SLC38A10: variants seen among roughly 807,000 people sequenced by gnomAD.
The protein encoded by SLC38A10 is Sodium-coupled neutral amino acid transporter 10.
SLC38A10 carries 53 observed loss-of-function variants against 81.0 expected under a neutral mutation model. The observed-to-expected ratio is 0.65, with a 90% CI of 0.53 to 0.82. SLC38A10 has a LOEUF of 0.82. SLC38A10 is among the 40% of genes least tolerant of loss of function. SLC38A10 has a pLI of 0.00. For synonymous variants in SLC38A10, 665 were observed against 655.3 expected, an observed-to-expected ratio of 1.01 and a Z score of -0.23; for missense variants, 1,471 against 1,545.0, an observed-to-expected ratio of 0.95 and a Z score of 0.80.
intron 12 of SLC38A10, 138 bp from the exon 13 acceptor site, chr17:81,252,821 C>G: frequency 2.2e-6 from 3 of 1,355,324 alleles, no homozygotes; most frequent in Non-Finnish European, 2.9e-6. Context: ...CCCCTGCCGG[C>G]CTCCCTGCTG....
At chr17:81,259,751 T>C (rs1250990479) in intron 11 of SLC38A10, among the ~76,000 whole-genome samples, 2 of 152,210 alleles carry the variant, frequency 1.3e-5, no homozygotes, top group Non-Finnish European at 2.9e-5. Flanking sequence ...GGGCCCCTCC[T>C]GAAGCGGCCT....
chr17:81,250,530 G>A (rs968443700), intron 14 of SLC38A10, among the ~76,000 whole-genome samples: 1 of 152,196 alleles, frequency 6.6e-6, no homozygotes, highest in Non-Finnish European at 1.5e-5. Flanking sequence ...CTGCTCCCAG[G>A]GGCTTGGCAC....
intron 10 of SLC38A10, among the ~76,000 whole-genome samples, chr17:81,261,977 C>T (rs1395495455): frequency 6.6e-6 from 1 of 152,222 alleles, no homozygotes; most frequent in East Asian, 1.9e-4. Context: ...TTGTAGATGC[C>T]CCTTCAGCCA....
chr17:81,246,737 TCAGAAGAA>T lies in SLC38A10; in HGVS notation c.2243-72_2243-65del. 4.0e-6 allele frequency: 6 copies of T among 1,499,178 alleles called. No homozygotes were observed. The South Asian group carries it at 8.3e-5, about 21-fold the overall frequency. The allele number at this position is 1,499,178 out of a possible 1,614,324, so 92.9% of individuals were successfully genotyped here. On this transcript the variant is annotated intron_variant, in intron 15 of 15. Coordinates refer to ENST00000374759, the MANE Select transcript of SLC38A10 (RefSeq NM_001037984.3). ...GTACACAGGCTGCCAGTGGAGGGGC[TCAGAAGAA>T]CCAGCAACAACAGCATTGGGAACCA...
chr17:81,271,748 ATTTTTTTTTT>A (rs756214430), intron 9 of SLC38A10, among the ~76,000 whole-genome samples: 1 of 121,150 alleles, frequency 8.3e-6, no homozygotes, highest in East Asian at 2.4e-4. Flanking sequence ...AAGCTGACAG[ATTTTTTTTTT>A]TTTTTTTTTT....
chr17:81,270,588 G>A lies in SLC38A10; in HGVS notation c.1131+330C>T, dbSNP rs2063106280. 1.3e-5 allele frequency among the ~76,000 whole-genome samples: 2 copies of A among 152,268 alleles called. No homozygotes were observed. Among genetic ancestry groups the A allele is most frequent in the South Asian group, 4.1e-4 (2 of 4,824 alleles). On this transcript the variant is annotated intron_variant, in intron 10 of 15. Coordinates refer to ENST00000374759, the MANE Select transcript of SLC38A10 (RefSeq NM_001037984.3). This position sits in a 1 kb window ranked among gnomAD's most constrained non-coding sequence, Gnocchi z 4.0. The stretch of plus-strand genomic sequence containing the variant: ...GGTGGCCTCAGGGGTGGGCGGCTGG[G>A]GAGGGGACTCAGAGGTGGCAGCAGG...
Position 81,246,098 on chromosome 17 carries a change from C to T in SLC38A10, c.2818G>A (p.Asp940Asn). The T allele has an allele frequency of 6.2e-7, 1 of 1,608,484 alleles. No homozygotes were observed. Among genetic ancestry groups the T allele is most frequent in the Non-Finnish European group, 8.5e-7 (1 of 1,179,486 alleles). ...QVSRDLGLAA[D>N]LPGGAEGAAA... ...GCTCCTTCCGCCCCACCGGGCAGGT[C>T]CGCTGCAAGGCCCAGGTCTCGGCTC... Residue 940 changes from aspartate (D) to asparagine (N), a missense_variant, in exon 16 of 16, where the codon GAC becomes AAC. Coordinates refer to ENST00000374759, the MANE Select transcript of SLC38A10 (RefSeq NM_001037984.3).
chr17:81,277,046 G>T lies in SLC38A10; in HGVS notation c.714C>A (p.Thr238=). ...SIFASSLNVV[T]TFYVMVGFFG... ...AGGCTCTTACCATGACGTAGAAGGT[G>T]GTGACCACATTAAGGGAGGAAGCAA... The change falls in exon 7 of 16, where the codon ACC becomes ACA. Residue 238 remains threonine, a synonymous_variant. Transcript: ENST00000374759. The surrounding 1 kb of genome is among the most constrained non-coding windows in gnomAD (Gnocchi z 4.5). 1 of 1,613,956 alleles carries T rather than the reference G, an allele frequency of 6.2e-7. No homozygotes were observed. Among genetic ancestry groups the T allele is most frequent in the Non-Finnish European group, 8.5e-7 (1 of 1,179,886 alleles).
intron 11 of SLC38A10, among the ~76,000 whole-genome samples, chr17:81,258,816 C>G (rs979689890): frequency 2.6e-5 from 4 of 152,190 alleles, no homozygotes; most frequent in Admixed American, 2.6e-4. Flanking sequence ...TCCGAATTAC[C>G]AAATCCAACG....
intron 10 of SLC38A10, among the ~76,000 whole-genome samples, chr17:81,268,707 TTTGA>T (rs1485995901): frequency 7.2e-5 from 11 of 152,174 alleles, no homozygotes; most frequent in Admixed American, 4.6e-4. Context: ...ATTTAAAATG[TTTGA>T]TTGATCCAAA....
In SLC38A10 at chr17:81,270,069, T is replaced by A. The variant is rs1225050817; in HGVS notation, c.1131+849A>T. Among the ~76,000 whole-genome samples, 1 of 152,142 alleles carries A rather than the reference T, an allele frequency of 6.6e-6. No homozygotes were observed. Among genetic ancestry groups the A allele is most frequent in the East Asian group, 1.9e-4 (1 of 5,190 alleles). On this transcript the variant is annotated intron_variant, in intron 10 of 15. Transcript: ENST00000374759. The surrounding 1 kb of genome is among the most constrained non-coding windows in gnomAD (Gnocchi z 4.0). ...CAGTTCACAGAAAAAGAAACGCAAG[T>A]GGCTTCTAAACCCATGAAAAGACAC...
chr17:81,252,058 G>A (rs1002438796), intron 13 of SLC38A10, 137 bp downstream of exon 13: 19 of 1,277,640 alleles, frequency 1.5e-5, no homozygotes, highest in South Asian at 3.2e-5. Flanking sequence ...GCCGGGGCCC[G>A]CTCCATTTGC....
intron 13 of SLC38A10, chr17:81,251,880 G>T: frequency 1.9e-6 from 1 of 514,688 alleles, no homozygotes; most frequent in Non-Finnish European, 3.2e-6. Flanking sequence ...GCTCTTAGAC[G>T]GGCACTTAAC....
rs2062936990 is a variant in SLC38A10, at chr17:81,253,247, G to A, written c.1289-7C>T. On this transcript the variant is annotated splice_region_variant and splice_polypyrimidine_tract_variant and intron_variant, in intron 11 of 15. Coordinates refer to ENST00000374759, the MANE Select transcript of SLC38A10 (RefSeq NM_001037984.3). The surrounding 1 kb of genome is among the most constrained non-coding windows in gnomAD (Gnocchi z 4.1). ...GCCACAACCGGATCCTGGGCTGGGA[G>A]CAGGGCACAGTTAGGGAACTGCACT... is the stretch of plus-strand genomic sequence containing the variant. The A allele has an allele frequency of 1.2e-6, 2 of 1,613,342 alleles. No individual in the cohort carries two copies. The highest frequency in any genetic ancestry group is 1.7e-6 in the Non-Finnish European group (2 of 1,179,906).
At position 81,245,572 on chromosome 17, in the gene SLC38A10, G is replaced by T. The variant is rs2062839773; in HGVS notation, c.3344C>A (p.Pro1115His). 9.9e-6 allele frequency: 16 copies of T among 1,608,236 alleles called. No individual in the cohort carries two copies. The East Asian group carries it at 3.6e-4, about 36-fold the overall frequency. Reference sequence around the variant, plus strand: ...CAGCAGGTGCTAGGACTCCTCTGGAGGCCCAGGCGCCTGTCTAAGCTGCCG... The same window carrying T: ...CAGCAGGTGCTAGGACTCCTCTGGATGCCCAGGCGCCTGTCTAAGCTGCCG... The part of the protein sequence containing the change: ...HSRQLRQAPG[P>H]PEES The change falls in exon 16 of 16, where the codon CCT (proline) becomes CAT (histidine). Residue 1115 changes from proline (P) to histidine (H), a missense_variant. Pro to His is a moderately conservative substitution (Grantham distance 77). This residue lies in a region of SLC38A10 where 751 missense variants were observed against 717.4 expected (regional missense o/e 1.05). Coordinates refer to ENST00000374759, the MANE Select transcript of SLC38A10 (RefSeq NM_001037984.3).
In SLC38A10 at chr17:81,265,256, C is replaced by T. The variant is rs1326970875; in HGVS notation, c.1132-4862G>A. ...AAAATTAGCCAGGTGTGGTGGCGCA[C>T]GCCTGTAATCCCAGCTACTCGGGAG... On this transcript the variant is annotated intron_variant, in intron 10 of 15. Transcript: ENST00000374759. This position sits in a 1 kb window ranked among gnomAD's most constrained non-coding sequence, Gnocchi z 4.2. The T allele has an allele frequency of 9.9e-5, 15 of 152,228 alleles. No individual in the cohort carries two copies. The highest frequency in any genetic ancestry group is 2.4e-4 in the African/African-American group (10 of 41,400). 9.4% of individuals were successfully genotyped at this position (152,228 alleles called of 1,614,324 possible). A position where few individuals can be genotyped will look rare whatever the true frequency, so the allele number is the denominator to read the frequency against.
Position 81,245,635 on chromosome 17 carries a change from C to G in SLC38A10, c.3281G>C (p.Arg1094Pro). Residue 1094 changes from arginine to proline, a missense_variant, in exon 16 of 16, where the codon CGC (arginine) becomes CCC (proline). Coordinates refer to ENST00000374759, the MANE Select transcript of SLC38A10 (RefSeq NM_001037984.3). Reference sequence around the variant, plus strand: ...CTGCAGAGCTCCCCCCGCAGCCTGGCGGAGCTGGGCATCCAGGGCGCCACG... The same window carrying G: ...CTGCAGAGCTCCCCCCGCAGCCTGGGGGAGCTGGGCATCCAGGGCGCCACG... ...DLRGALDAQL[R>P]QAAGGALQVV... 2 of 1,612,220 alleles carry G rather than the reference C, an allele frequency of 1.2e-6. No individual in the cohort carries two copies. The highest frequency in any genetic ancestry group is 1.7e-6 in the Non-Finnish European group (2 of 1,179,736).
Position 81,283,770 on chromosome 17 carries a change from C to T in SLC38A10, c.264-268G>A, listed in dbSNP as rs1188934046. On this transcript the variant is annotated intron_variant, in intron 3 of 15. Transcript: ENST00000374759. The surrounding 1 kb of genome is among the most constrained non-coding windows in gnomAD (Gnocchi z 4.7). ...CTGGGAGTAGCCGAGTAGCCACGCC[C>T]GGCTAATTGTTTGTATTTTTAGTAG... Among the ~76,000 whole-genome samples the T allele has an allele frequency of 3.3e-5, 5 of 151,736 alleles. No individual in the cohort carries two copies. The highest frequency in any genetic ancestry group is 9.7e-5 in the African/African-American group (4 of 41,342).
rs148457012 is a variant in SLC38A10 at position 81,287,095 on chromosome 17, C to A, written c.218-2200G>T. 6.1e-3 allele frequency among the ~76,000 whole-genome samples: 927 copies of A among 152,318 alleles called. 13 individuals are homozygous for A. The highest frequency in any genetic ancestry group is 0.021 in the African/African-American group (871 of 41,564). The stretch of plus-strand genomic sequence containing the variant: ...AGAAGGTGACGAAAACGACAAAAAC[C>A]ACCTGCAACCAGCAACAGCAAATAG... On this transcript the variant is annotated intron_variant, in intron 2 of 15. Transcript: ENST00000374759.
Sources: gnomAD v4.1 joint callset for allele counts (sites outside exome capture counted in the v4.1 genomes callset) on GRCh38, gnomAD v4.1.1 for gene constraint, gnomAD v4.1.1 regional missense constraint, Gnocchi (gnomAD v3.1) non-coding constraint, MANE v1.5 for transcripts, NCBI Gene and HGNC (gene_info 2026-07-23, HGNC 2026-07-21) for gene names.